Variants in NAP1L1 observed in about 807,000 individuals in gnomAD.
NAP1L1 encodes the protein nucleosome assembly protein 1 like 1.
Under a neutral mutation model 58.9 loss-of-function variants are expected in NAP1L1, and 9 were observed. The observed-to-expected ratio is 0.15, with a 90% confidence interval of 0.09 to 0.27. The LOEUF is 0.27. Among genes scored for constraint, NAP1L1 ranks in the 10% least tolerant of loss-of-function variants. NAP1L1 has a pLI of 1.00. For missense variants in NAP1L1, 302 were observed against 458.8 expected, an observed-to-expected ratio of 0.66 and a Z score of 3.12; for synonymous variants, 130 against 138.3, an observed-to-expected ratio of 0.94 and a Z score of 0.42.
At chr12:76,084,211 C>G (rs1165778258) in intron 1 of NAP1L1, 3 of 152,214 alleles carry the variant, frequency 2.0e-5, no homozygotes, top group Admixed American at 6.5e-5. Flanking sequence ...GGGGGCCTCC[C>G]GGTCCTCGCG....
intron 1 of NAP1L1, among the ~76,000 whole-genome samples, chr12:76,079,528 A>G (rs1950319876): frequency 1.3e-5 from 2 of 152,196 alleles, no homozygotes; most frequent in Non-Finnish European, 2.9e-5. Flanking sequence ...ATAAAACACT[A>G]ATCAGAGTTG....
intron 12 of NAP1L1, among the ~76,000 whole-genome samples, chr12:76,050,066 A>T (rs540224359): frequency 1.3e-5 from 2 of 152,322 alleles, no homozygotes; most frequent in African/African-American, 4.8e-5. Context: ...TGTGGAATGC[A>T]CTGTACGAAA....
intron 1 of NAP1L1, 143 bp from the exon 2 acceptor site, chr12:76,074,382 A>C: frequency 7.6e-7 from 1 of 1,323,838 alleles, no homozygotes; most frequent in Non-Finnish European, 9.7e-7. Context: ...CAGTGTTAAG[A>C]AGAAAAAACT....
At chr12:76,053,479 G>T (rs1397486651) in intron 9 of NAP1L1, 129 bp from the exon 10 acceptor site, 1 of 1,087,424 alleles carries the variant, frequency 9.2e-7, no homozygotes, top group Non-Finnish European at 1.3e-6. Context: ...TTCTATAGCA[G>T]TATAAAGGGA....
intron 6 of NAP1L1, among the ~76,000 whole-genome samples, chr12:76,059,022 T>TA: frequency 6.6e-6 from 1 of 152,340 alleles, no homozygotes; most frequent in East Asian, 1.9e-4. Flanking sequence ...TTTGAACCAG[T>TA]AAGCCACTTC....
chr12:76,072,485 T>C (rs571496811), intron 2 of NAP1L1, among the ~76,000 whole-genome samples: 1 of 151,962 alleles, frequency 6.6e-6, no homozygotes, highest in Non-Finnish European at 1.5e-5. Flanking sequence ...CATCTAATAG[T>C]AGCTCCAGAA....
intron 13 of NAP1L1, 164 bp downstream of exon 13, chr12:76,049,592 C>A: frequency 6.6e-7 from 1 of 1,512,630 alleles, no homozygotes; most frequent in South Asian, 1.2e-5. Flanking sequence ...TTTATTGAAA[C>A]CTTATACATA....
chr12:76,057,787 C>G (rs1320096444), intron 6 of NAP1L1: 1 of 1,551,148 alleles, frequency 6.4e-7, no homozygotes, highest in Non-Finnish European at 8.7e-7. Context: ...CTGTCAAGGT[C>G]AAGGAACAGC....
intron 2 of NAP1L1, among the ~76,000 whole-genome samples, chr12:76,072,216 T>G (rs1471895918): frequency 1.9e-5 from 2 of 103,446 alleles, no homozygotes; most frequent in South Asian, 2.9e-4. Context: ...AGAAAGAAAA[T>G]GTAAGAGCAA....
intron 3 of NAP1L1, 181 bp downstream of exon 3, chr12:76,068,728 C>T (rs564215627): frequency 1.8e-4 from 65 of 356,886 alleles, no homozygotes; most frequent in African/African-American, 1.6e-3. Context: ...TATACCTACC[C>T]GCCCCTTACA....
chr12:76,056,378 T>C (rs547210718), intron 6 of NAP1L1: 76 of 480,438 alleles, frequency 1.6e-4, no homozygotes, highest in African/African-American at 1.3e-3. Flanking sequence ...GACCAAGATG[T>C]GTAGGAAAAA....
chr12:76,074,934 G>C (rs936319819), intron 1 of NAP1L1, among the ~76,000 whole-genome samples: 7 of 152,234 alleles, frequency 4.6e-5, no homozygotes, highest in African/African-American at 1.7e-4. Context: ...ACATTGTCAA[G>C]ACTTGTGGTT....
chr12:76,053,390 T>C (rs1249059551), intron 9 of NAP1L1, 40 bp from the exon 10 acceptor site: 23 of 1,585,768 alleles, frequency 1.5e-5, no homozygotes, highest in East Asian at 2.2e-5. Context: ...CAATTGACAA[T>C]CTTTCAACTG....
At chr12:76,061,161 T>G (rs1949395942) in intron 4 of NAP1L1, 1 of 249,078 alleles carries the variant, frequency 4.0e-6, no homozygotes, top group Middle Eastern at 4.7e-4. Flanking sequence ...AAGCACTATT[T>G]TGTTAAAATT....
chr12:76,057,952 GATCTT>G (rs1949198407), intron 6 of NAP1L1: 1 of 1,019,714 alleles, frequency 9.8e-7, no homozygotes, highest in Non-Finnish European at 1.5e-6. Flanking sequence ...TTTTGAAATT[GATCTT>G]AAATCACACA....
chr12:76,083,209 T>C (rs555694206), intron 1 of NAP1L1, among the ~76,000 whole-genome samples: 1 of 152,242 alleles, frequency 6.6e-6, no homozygotes, highest in Non-Finnish European at 1.5e-5. Flanking sequence ...GCTACAAACT[T>C]GGCAAAGTTT....
At position 76,055,013 on chromosome 12, in the gene NAP1L1, T is replaced by G. The variant is rs1422792868; in HGVS notation, c.630+6A>C. ...CAAAATTATAAATATTTCAAAGTTC[T>G]TTTACCATAGGCTGGCCAGCATCTG... is the stretch of plus-strand genomic sequence containing the variant. On this transcript the variant is annotated splice_donor_region_variant and intron_variant, in intron 8 of 14. Transcript: ENST00000618691. 1.3e-6 allele frequency: 2 copies of G among 1,592,470 alleles called. No individual in the cohort carries two copies. The highest frequency in any genetic ancestry group is 2.7e-5 in the African/African-American group (2 of 73,914).
At chr12:76,056,685 TAAA>T (rs34298638) in intron 6 of NAP1L1, 34 of 421,064 alleles carry the variant, frequency 8.1e-5, no homozygotes, top group South Asian at 1.4e-4. Context: ...ACCATGAAGT[TAAA>T]AAAAAAAAAA....
At position 76,048,185 on chromosome 12, in the gene NAP1L1, A is replaced by G. The variant is rs1037372807; in HGVS notation, c.*244T>C. ...GAGCTACATAAAAATATTCCAGAAGAACCAAATTATGTAGCAATGAATGAA... is the reference window on the plus strand; with the variant it reads ...GAGCTACATAAAAATATTCCAGAAGGACCAAATTATGTAGCAATGAATGAA... On this transcript the variant is annotated 3_prime_UTR_variant, in exon 15 of 15. Coordinates refer to ENST00000618691, the MANE Select transcript of NAP1L1 (RefSeq NM_004537.7). The G allele has an allele frequency of 3.7e-5, 16 of 433,276 alleles. No individual in the cohort carries two copies. The highest frequency in any genetic ancestry group is 2.9e-5 in the Non-Finnish European group (7 of 245,278). 26.8% of individuals were successfully genotyped at this position (433,276 alleles called of 1,614,324 possible).
Sources: allele counts gnomAD v4.1 joint callset (sites outside exome capture counted in the v4.1 genomes callset), GRCh38; gene constraint gnomAD v4.1.1; transcripts MANE v1.5; gene names NCBI Gene and HGNC (gene_info 2026-07-23, HGNC 2026-07-21).